The following EIF2AK4 variants were observed in gnomAD, a reference collection of about 807,000 sequenced individuals.
The protein encoded by EIF2AK4 is eIF-2-alpha kinase GCN2.
EIF2AK4 carries 139 observed loss-of-function variants against 211.1 expected under a neutral mutation model. That is an observed-to-expected ratio of 0.66 (90% CI 0.57 to 0.76). The LOEUF is 0.76. EIF2AK4 is among the 30% of genes least tolerant of loss of function. EIF2AK4 has a pLI of 0.00. For missense variants in EIF2AK4, 1,664 were observed against 2,043.8 expected (o/e 0.81, Z 3.58); for synonymous variants, 710 against 751.3 (o/e 0.94, Z 0.90).
chr15:40,005,073 A>G (rs2035142293), intron 23 of EIF2AK4, among the ~76,000 whole-genome samples: 2 of 152,240 alleles, frequency 1.3e-5, no homozygotes, highest in Admixed American at 1.3e-4. Context: ...ATGTATAGGC[A>G]TAGTAGTAGA....
intron 24 of EIF2AK4, 44 bp from the exon 25 acceptor site, chr15:40,007,983 T>C: frequency 7.2e-7 from 1 of 1,382,772 alleles, no homozygotes; most frequent in East Asian, 2.6e-5. Flanking sequence ...ACATATTTCT[T>C]TCTAGTAAGC....
chr15:40,001,113 C>T lies in EIF2AK4; in HGVS notation c.3048C>T (p.His1016=), dbSNP rs747667739. 20 of 1,614,040 alleles carry T rather than the reference C, an allele frequency of 1.2e-5. No homozygotes were observed. Among genetic ancestry groups the T allele is most frequent in the Middle Eastern group, 1.6e-4 (1 of 6,084 alleles). Residue 1016 remains histidine (H), a synonymous_variant, in exon 21 of 39, where the codon CAC becomes CAT. Coordinates refer to ENST00000263791, the MANE Select transcript of EIF2AK4 (RefSeq NM_001013703.4). ...MEESELHEVL[H]HTLTNVDGKA... ...AGTCAGAGCTGCATGAAGTGCTGCA[C>T]CACACGCTGACCAACGTGGATGGGA...
In EIF2AK4 at chr15:40,022,555, G is replaced by T. The variant is rs745396838; in HGVS notation, c.4339G>T (p.Glu1447Ter). The change falls in exon 32 of 39, where the codon GAA becomes TAA. Residue 1447 changes from glutamate (E) to a stop codon, truncating the protein, a stop_gained. Coordinates refer to ENST00000263791, the MANE Select transcript of EIF2AK4 (RefSeq NM_001013703.4). LOFTEE classifies it high-confidence loss of function. ...ATTACAAGAGTACTGCAGACATCAT[G>T]AAATCACCTATGTGGCCCTTGTCTC... is the stretch of plus-strand genomic sequence containing the variant. Reference protein sequence around the residue: ...EELQEYCRHHEITYVALVSDK... With the variant: ...EELQEYCRHH 6.2e-7 allele frequency: 1 copy of T among 1,614,210 alleles called. No individual in the cohort carries two copies.
rs975327131 is a variant in EIF2AK4, at chr15:39,989,073, G to T, written c.2526+968G>T. On this transcript the variant is annotated intron_variant, in intron 15 of 38. Transcript: ENST00000263791. ...AAGTTACTTGATTCTAACTGAATTAGTGCCACCCTTCCTAGGAACACGGGG... is the reference window on the plus strand; with the variant it reads ...AAGTTACTTGATTCTAACTGAATTATTGCCACCCTTCCTAGGAACACGGGG... Among the ~76,000 whole-genome samples, 14 of 152,284 alleles carry T rather than the reference G, an allele frequency of 9.2e-5. No individual in the cohort carries two copies. The East Asian group carries it at 2.7e-3, about 29-fold the overall frequency.
chr15:39,971,888 T>C (rs2034630473), intron 9 of EIF2AK4, among the ~76,000 whole-genome samples: 1 of 152,156 alleles, frequency 6.6e-6, no homozygotes, highest in Non-Finnish European at 1.5e-5. Context: ...AGGGGTATAG[T>C]AGAATTTGTA....
chr15:40,001,864 A>C (rs544489807), intron 21 of EIF2AK4, among the ~76,000 whole-genome samples: 9 of 152,246 alleles, frequency 5.9e-5, no homozygotes, highest in African/African-American at 2.2e-4. Context: ...AATCTCATTA[A>C]AAGCTCCCAA....
intron 13 of EIF2AK4, among the ~76,000 whole-genome samples, chr15:39,982,451 G>C (rs1225575821): frequency 6.6e-6 from 1 of 152,154 alleles, no homozygotes; most frequent in Non-Finnish European, 1.5e-5. Flanking sequence ...CTGTATCATT[G>C]TTCTGTGTAG....
chr15:39,939,098 C>T (rs2034107982), intron 1 of EIF2AK4, among the ~76,000 whole-genome samples: 1 of 152,170 alleles, frequency 6.6e-6, no homozygotes, highest in Admixed American at 6.5e-5. Flanking sequence ...ACCACTATGT[C>T]CCTCTACTCT....
At chr15:39,943,547 C>A in intron 3 of EIF2AK4, 62 bp downstream of exon 3, 1 of 1,275,786 alleles carries the variant, frequency 7.8e-7, no homozygotes. Context: ...ACCTCAAATC[C>A]AATTTTGAGT....
chr15:39,973,105 T>C (rs899186459), intron 10 of EIF2AK4, 91 bp downstream of exon 10: 2 of 1,040,060 alleles, frequency 1.9e-6, no homozygotes, highest in African/African-American at 3.2e-5. Context: ...AGGGGCTGCA[T>C]GTGTTATTTT....
intron 27 of EIF2AK4, among the ~76,000 whole-genome samples, chr15:40,015,375 G>A (rs2035290421): frequency 6.6e-6 from 1 of 152,180 alleles, no homozygotes; most frequent in South Asian, 2.1e-4. Context: ...CAATCATGGT[G>A]GAAAGCAAAG....
At chr15:39,991,186 C>T (rs2034939423) in intron 16 of EIF2AK4, 2 of 152,304 alleles carry the variant, frequency 1.3e-5, no homozygotes, top group African/African-American at 4.8e-5. Context: ...AGAATAACCA[C>T]TGGGGCCAAG....
intron 6 of EIF2AK4, among the ~76,000 whole-genome samples, chr15:39,960,245 G>T (rs1167334956): frequency 6.6e-6 from 1 of 151,968 alleles, no homozygotes; most frequent in Non-Finnish European, 1.5e-5. Flanking sequence ...CTTGTCACCA[G>T]TGTAGGAGGG....
chr15:40,031,150 G>A (rs1595440529), intron 35 of EIF2AK4, among the ~76,000 whole-genome samples: 1 of 152,216 alleles, frequency 6.6e-6, no homozygotes, highest in African/African-American at 2.4e-5. Flanking sequence ...TGAGACAGGA[G>A]AATTGCTTGA....
Position 39,985,853 on chromosome 15 carries a change from G to A in EIF2AK4, c.2368G>A (p.Val790Met), listed in dbSNP as rs373835064. 3.1e-6 allele frequency: 5 copies of A among 1,614,062 alleles called. No individual in the cohort carries two copies. The African/African-American group carries it at 6.7e-5, about 22-fold the overall frequency. ...KNGCHESEPS[V>M]TTEAVHYLYI... ...TGGCTGCCATGAAAGTGAGCCATCA[G>A]TGACGACTGAGGCTGTGCACTACCT... The change falls in exon 14 of 39, where the codon GTG (valine) becomes ATG (methionine). Residue 790 changes from valine (V) to methionine (M), a missense_variant. Coordinates refer to ENST00000263791, the MANE Select transcript of EIF2AK4 (RefSeq NM_001013703.4).
chr15:40,024,964 A>G (rs756386698), intron 32 of EIF2AK4, among the ~76,000 whole-genome samples: 1 of 152,130 alleles, frequency 6.6e-6, no homozygotes, highest in Non-Finnish European at 1.5e-5. Flanking sequence ...AAATGCCATG[A>G]GAGTCCTACA....
At chr15:40,015,138 T>G (rs573254128) in intron 27 of EIF2AK4, among the ~76,000 whole-genome samples, 1 of 152,152 alleles carries the variant, frequency 6.6e-6, no homozygotes, top group Non-Finnish European at 1.5e-5. Flanking sequence ...TTTCCCCCAT[T>G]TTCCTGTCTT....
intron 6 of EIF2AK4, among the ~76,000 whole-genome samples, chr15:39,960,977 G>A (rs114864420): frequency 7.9e-5 from 12 of 152,272 alleles, no homozygotes; most frequent in African/African-American, 2.4e-4. Flanking sequence ...GCACGTCATC[G>A]AAGTGTTTCT....
At chr15:40,008,223 G>A (rs1257063062) in intron 25 of EIF2AK4, 28 bp downstream of exon 25, 1 of 1,565,652 alleles carries the variant, frequency 6.4e-7, no homozygotes, top group Non-Finnish European at 8.6e-7. Context: ...AACATTCCAA[G>A]ATTCCCCACT....
Sources: allele counts gnomAD v4.1 joint callset (sites outside exome capture counted in the v4.1 genomes callset), GRCh38; gene constraint gnomAD v4.1.1; transcripts MANE v1.5; gene names NCBI Gene and HGNC (gene_info 2026-07-23, HGNC 2026-07-21).